TMPRSS15: variants seen among roughly 807,000 people sequenced by gnomAD.
The protein encoded by TMPRSS15 is transmembrane serine protease 15, also known as enteropeptidase.
A neutral mutation model predicts 125.3 loss-of-function variants in TMPRSS15; 128 were observed. The observed-to-expected ratio is 1.02, with a 90% confidence interval of 0.89 to 1.18. The LOEUF is 1.18. Ranked by LOEUF, TMPRSS15 falls within the 50% of genes most tolerant of loss-of-function variation. The pLI is 0.00. For synonymous variants in TMPRSS15, 446 were observed against 423.2 expected, an observed-to-expected ratio of 1.05 and a Z score of -0.66; for missense variants, 1,283 against 1,212.7, an observed-to-expected ratio of 1.06 and a Z score of -0.86.
intron 5 of TMPRSS15, among the ~76,000 whole-genome samples, chr21:18,372,530 C>T (rs1201302653): frequency 3.9e-5 from 6 of 152,102 alleles, no homozygotes; most frequent in African/African-American, 1.2e-4. Flanking sequence ...TTTTGGAAAG[C>T]TTATCACATC....
chr21:18,291,679 ATC>A (rs1247867261), intron 21 of TMPRSS15, among the ~76,000 whole-genome samples: 10 of 152,236 alleles, frequency 6.6e-5, no homozygotes, highest in African/African-American at 2.4e-4. Flanking sequence ...TGATTAAACT[ATC>A]TAAAACAATA....
At chr21:18,436,460 C>G (rs2076228098) in intron 1 of TMPRSS15, among the ~76,000 whole-genome samples, 1 of 152,026 alleles carries the variant, frequency 6.6e-6, no homozygotes, top group Non-Finnish European at 1.5e-5. Flanking sequence ...GTTTCTTAAT[C>G]TTGAGTTCTA....
At chr21:18,462,281 C>A (rs1326550950) in intron 1 of TMPRSS15, among the ~76,000 whole-genome samples, 1 of 151,872 alleles carries the variant, frequency 6.6e-6, no homozygotes, top group African/African-American at 2.4e-5. Context: ...TATGAAAACA[C>A]AATGTGGTAA....
intron 1 of TMPRSS15, among the ~76,000 whole-genome samples, chr21:18,462,901 T>C (rs1978577954): frequency 6.6e-6 from 1 of 152,048 alleles, no homozygotes; most frequent in Non-Finnish European, 1.5e-5. Context: ...AGGGCCAATA[T>C]TCAACATTCT....
intron 1 of TMPRSS15, among the ~76,000 whole-genome samples, chr21:18,414,876 C>A (rs1251267579): frequency 6.6e-6 from 1 of 151,972 alleles, no homozygotes; most frequent in African/African-American, 2.4e-5. Flanking sequence ...GGATATATAC[C>A]CAGAAGTGGG....
At chr21:18,420,094 G>T (rs2076189020) in intron 1 of TMPRSS15, among the ~76,000 whole-genome samples, 1 of 152,184 alleles carries the variant, frequency 6.6e-6, no homozygotes, top group African/African-American at 2.4e-5. Context: ...GAAAAGGAGG[G>T]CTGTAATTTC....
chr21:18,343,653 A>G lies in TMPRSS15; in HGVS notation c.1281T>C (p.Tyr427=), dbSNP rs756993508. Reference sequence around the variant, plus strand: ...TATGGACATTTTCACCATACATATGATACCTAGTTTGGAAAGAAGCAAAAA... The same window carrying G: ...TATGGACATTTTCACCATACATATGGTACCTAGTTTGGAAAGAAGCAAAAA... ...TLEPACLSFW[Y]HMYGENVHKL... Residue 427 remains tyrosine, a synonymous_variant, in exon 12 of 25, where the codon TAT becomes TAC. Coordinates refer to ENST00000284885, the MANE Select transcript of TMPRSS15 (RefSeq NM_002772.3). 2 of 1,613,384 alleles carry G rather than the reference A, an allele frequency of 1.2e-6. No individual in the cohort carries two copies. The highest frequency in any genetic ancestry group is 1.7e-6 in the Non-Finnish European group (2 of 1,179,702).
At chr21:18,359,296 T>C (rs966248349) in intron 8 of TMPRSS15, among the ~76,000 whole-genome samples, 1 of 152,038 alleles carries the variant, frequency 6.6e-6, no homozygotes, top group Non-Finnish European at 1.5e-5. Flanking sequence ...CCTACCTCCT[T>C]GGCTAGACAG....
At chr21:18,330,154 TC>T (rs2075330582) in intron 14 of TMPRSS15, among the ~76,000 whole-genome samples, 2 of 152,144 alleles carry the variant, frequency 1.3e-5, no homozygotes, top group Admixed American at 1.3e-4. Flanking sequence ...ACCTCCTTTC[TC>T]CTACCACATC....
Position 18,410,416 on chromosome 21 carries a change from T to TA in TMPRSS15, c.11-12088dup, listed in dbSNP as rs531369736. On this transcript the variant is annotated intron_variant, in intron 1 of 7. Transcript: ENST00000422787. ...TCCTCCCATCTCCACTGGGATCCTG[T>TA]AGCAGTCACTGATCCCTAGGGTTTG... Among the ~76,000 whole-genome samples the TA allele has an allele frequency of 3.2e-3, 486 of 152,274 alleles. 3 individuals are homozygous for TA. The highest frequency in any genetic ancestry group is 4.7e-3 in the Non-Finnish European group (319 of 68,016).
intron 1 of TMPRSS15, among the ~76,000 whole-genome samples, chr21:18,480,263 C>G (rs1601478015): frequency 6.6e-6 from 1 of 151,912 alleles, no homozygotes; most frequent in African/African-American, 2.4e-5. Context: ...GTTTTAGTAT[C>G]TGAATTCTCT....
intron 1 of TMPRSS15, among the ~76,000 whole-genome samples, chr21:18,411,188 T>C (rs1165955672): frequency 6.6e-6 from 1 of 152,188 alleles, no homozygotes; most frequent in Non-Finnish European, 1.5e-5. Context: ...GCTAGAATAT[T>C]CTTTTTGAAA....
At chr21:18,348,126 A>C (rs113336900) in intron 10 of TMPRSS15, among the ~76,000 whole-genome samples, 15,023 of 152,190 alleles carry the variant, frequency 0.099, 874 homozygotes, top group Non-Finnish European at 0.13. Flanking sequence ...TTGAGGCTGC[A>C]GTGAGTTATG....
chr21:18,362,743 C>T (rs1041782733), intron 7 of TMPRSS15, among the ~76,000 whole-genome samples: 1 of 152,004 alleles, frequency 6.6e-6, no homozygotes, highest in African/African-American at 2.4e-5. Flanking sequence ...TGGCTAAGCA[C>T]TTTACATTCA....
chr21:18,400,958 G>C (rs577251350), intron 1 of TMPRSS15, among the ~76,000 whole-genome samples: 2 of 152,174 alleles, frequency 1.3e-5, no homozygotes, highest in African/African-American at 4.8e-5. Flanking sequence ...CATACAAGTG[G>C]CTAACAAATA....
rs373363934 is a variant in TMPRSS15 at position 18,343,378 on chromosome 21, T to C, written c.1428+128A>G. ...ACTCCAAGGTAAAATGTGAGGTAGA[T>C]TGGGCAAGTAGAGAAAGTGACTTGA... is the stretch of plus-strand genomic sequence containing the variant. On this transcript the variant is annotated intron_variant, in intron 12 of 24. Coordinates refer to ENST00000284885, the MANE Select transcript of TMPRSS15 (RefSeq NM_002772.3). 8.3e-5 allele frequency: 70 copies of C among 845,716 alleles called. 2 individuals carry two copies. The East Asian group carries it at 1.6e-3, about 20-fold the overall frequency. 52.4% of individuals were successfully genotyped at this position (845,716 alleles called of 1,614,324 possible). A position where few individuals can be genotyped will look rare whatever the true frequency, so the allele number is the denominator to read the frequency against.
chr21:18,467,354 A>G (rs1437067117), intron 1 of TMPRSS15, among the ~76,000 whole-genome samples: 1 of 152,004 alleles, frequency 6.6e-6, no homozygotes. Context: ...GTGTATACCT[A>G]TGTAACAAAC....
At chr21:18,460,780 C>G (rs1304671896) in intron 1 of TMPRSS15, 1 of 152,192 alleles carries the variant, frequency 6.6e-6, no homozygotes, top group African/African-American at 2.4e-5. Flanking sequence ...ATGCTTTACT[C>G]AAAGTTCACT....
intron 18 of TMPRSS15, among the ~76,000 whole-genome samples, chr21:18,308,655 A>G (rs1314172014): frequency 6.6e-6 from 1 of 151,296 alleles, no homozygotes; most frequent in African/African-American, 2.4e-5. Flanking sequence ...GTTTTGTTAC[A>G]TAGGTATACA....
Sources: allele counts gnomAD v4.1 joint callset (sites outside exome capture counted in the v4.1 genomes callset), GRCh38; gene constraint gnomAD v4.1.1; transcripts MANE v1.5; gene names NCBI Gene and HGNC (gene_info 2026-07-23, HGNC 2026-07-21).